Variants in BIRC6 observed in about 807,000 individuals in gnomAD.
BIRC6 encodes baculoviral IAP repeat containing 6.
In BIRC6, 98 loss-of-function variants were observed where a neutral mutation model predicts 503.3. That is an observed-to-expected ratio of 0.19 (90% CI 0.17 to 0.23). BIRC6 has a LOEUF of 0.23. Among genes scored for constraint, BIRC6 ranks in the 10% least tolerant of loss-of-function variants. The probability of loss-of-function intolerance (pLI) is 1.00; values close to 1 mark genes in which losing one functional copy is unlikely to be tolerated. For missense variants in BIRC6, 5,360 were observed against 5,806.0 expected (o/e 0.92, Z 2.50); for synonymous variants, 2,240 against 2,078.7 (o/e 1.08, Z -2.11).
chr2:32,406,451 T>G, intron 8 of BIRC6, 48 bp from the exon 9 acceptor site: 1 of 1,386,218 alleles, frequency 7.2e-7, no homozygotes, highest in Non-Finnish European at 1.0e-6. Context: ...TCATATGATG[T>G]ATACTTTTTT....
chr2:32,553,603 C>T (rs555493728), intron 65 of BIRC6, among the ~76,000 whole-genome samples: 8 of 151,852 alleles, frequency 5.3e-5, no homozygotes, highest in Non-Finnish European at 7.4e-5. Context: ...TTGGCCAGGC[C>T]GGTCTCGAAC....
intron 23 of BIRC6, among the ~76,000 whole-genome samples, chr2:32,459,165 G>T (rs1299109656): frequency 1.3e-5 from 2 of 151,972 alleles, no homozygotes; most frequent in African/African-American, 4.8e-5. Flanking sequence ...ATCACTACAG[G>T]AAGAAACTCT....
At chr2:32,588,559 G>A (rs1209076077) in intron 66 of BIRC6, among the ~76,000 whole-genome samples, 2 of 152,020 alleles carry the variant, frequency 1.3e-5, no homozygotes, top group African/African-American at 4.8e-5. Context: ...GTGGTTTAAT[G>A]TACCCTATAT....
chr2:32,490,055 T>G lies in BIRC6; in HGVS notation c.8110T>G (p.Phe2704Val). 1 of 1,610,874 alleles carries G rather than the reference T, an allele frequency of 6.2e-7. No individual in the cohort carries two copies. The highest frequency in any genetic ancestry group is 8.5e-7 in the Non-Finnish European group (1 of 1,177,212). Reference sequence around the variant, plus strand: ...TTTCTGCATAGCATCAATAACTAGCTTTCTCACAGTGTTAGCTTGGTATCC... The same window carrying G: ...TTTCTGCATAGCATCAATAACTAGCGTTCTCACAGTGTTAGCTTGGTATCC... ...ISLNQASITSFLTVLAWYPNT... is the reference protein window; with the variant it reads ...ISLNQASITSVLTVLAWYPNT... Residue 2704 changes from phenylalanine to valine, a missense_variant, in exon 43 of 74, where the codon TTT becomes GTT. Around this residue, in one of 16 missense-constraint regions of BIRC6, gnomAD observed 2,299 missense variants for 2,267.2 expected, o/e 1.01. Coordinates refer to ENST00000421745, the MANE Select transcript of BIRC6 (RefSeq NM_016252.4).
rs545720371 is a variant in BIRC6, at chr2:32,563,038, C to T, written c.13145-12118C>T. On this transcript the variant is annotated intron_variant, in intron 65 of 73. Coordinates refer to ENST00000421745, the MANE Select transcript of BIRC6 (RefSeq NM_016252.4). ...ATAGTGTCAGTCCTCTGACTTTGTT[C>T]TTCAATGTTGTGCTGGCTATGCTAC... Among the ~76,000 whole-genome samples the T allele has an allele frequency of 2.0e-5, 3 of 152,282 alleles. No individual in the cohort carries two copies. In the East Asian group the frequency reaches 5.8e-4, roughly 29 times the overall value.
chr2:32,516,843 G>A (rs2055105442), intron 55 of BIRC6, among the ~76,000 whole-genome samples: 1 of 152,036 alleles, frequency 6.6e-6, no homozygotes, highest in Non-Finnish European at 1.5e-5. Flanking sequence ...CCTGCCTCAA[G>A]GATTTTTTGA....
intron 9 of BIRC6, among the ~76,000 whole-genome samples, chr2:32,407,469 ATTTAG>A (rs796680206): frequency 1.4e-3 from 210 of 148,094 alleles, no homozygotes; most frequent in African/African-American, 4.9e-3. Flanking sequence ...AAAAAAAAAG[ATTTAG>A]ATAAGATAAG....
chr2:32,504,078 T>TGTG (rs1558912926), intron 49 of BIRC6, among the ~76,000 whole-genome samples: 2 of 98,872 alleles, frequency 2.0e-5, no homozygotes, highest in South Asian at 3.2e-4. Flanking sequence ...GTGTGTGTGT[T>TGTG]TAGTAGAGAT....
chr2:32,408,257 C>T (rs943530137), intron 9 of BIRC6, among the ~76,000 whole-genome samples: 4 of 152,010 alleles, frequency 2.6e-5, no homozygotes, highest in African/African-American at 4.8e-5. Flanking sequence ...CGTGAGCCAC[C>T]GTGCCCGGCC....
rs773949716 is a variant in BIRC6 at position 32,416,027 on chromosome 2, A to G, written c.2736A>G (p.Val912=). ...HLVITTQGGY[V]KILDLSNFEI... ...TAATAACCACTCAGGGAGGATATGT[A>G]AAAATACTAGATCTTTCAAACTTTG... Residue 912 remains valine, a synonymous_variant, in exon 10 of 74, where the codon GTA becomes GTG. Coordinates refer to ENST00000421745, the MANE Select transcript of BIRC6 (RefSeq NM_016252.4). 8.1e-6 allele frequency: 13 copies of G among 1,613,854 alleles called. No homozygotes were observed. Among genetic ancestry groups the G allele is most frequent in the African/African-American group, 1.3e-5 (1 of 74,918 alleles).
In BIRC6 at chr2:32,515,483, A is replaced by C; in HGVS notation, c.11062A>C (p.Arg3688=). 1 of 1,613,722 alleles carries C rather than the reference A, an allele frequency of 6.2e-7. No individual in the cohort carries two copies. ...AGCCGACCTAGTTGCTCCTATTCTT[A>C]GGTTTTTGACAGAAGTTGGCAATAG... ...ITADLVAPIL[R]FLTEVGNSHI... The change falls in exon 55 of 74, where the codon AGG becomes CGG. Residue 3688 remains arginine (R), a synonymous_variant. Coordinates refer to ENST00000421745, the MANE Select transcript of BIRC6 (RefSeq NM_016252.4).
At chr2:32,477,773 AAAACTAGCAAAGGATGAT>A (rs1311151772) in intron 35 of BIRC6, among the ~76,000 whole-genome samples, 190 bp downstream of exon 35, 5 of 151,452 alleles carry the variant, frequency 3.3e-5, no homozygotes, top group Admixed American at 6.6e-5. Context: ...AGGTTAATTA[AAAACTAGCAAAGGATGAT>A]GTTTTTAGTC....
chr2:32,593,192 G>C (rs867298463), intron 66 of BIRC6, among the ~76,000 whole-genome samples: 32 of 152,178 alleles, frequency 2.1e-4, no homozygotes, highest in African/African-American at 7.0e-4. Context: ...ATAATGTGCT[G>C]AGAGTTGGAA....
At chr2:32,393,952 A>G (rs932228102) in intron 5 of BIRC6, among the ~76,000 whole-genome samples, 5 of 140,130 alleles carry the variant, frequency 3.6e-5, no homozygotes, top group Non-Finnish European at 7.6e-5. Flanking sequence ...AAAACTATAT[A>G]TATATATATA....
At chr2:32,610,808 G>A (rs1444120902) in intron 72 of BIRC6, among the ~76,000 whole-genome samples, 3 of 151,936 alleles carry the variant, frequency 2.0e-5, no homozygotes, top group East Asian at 3.9e-4. Flanking sequence ...TTGCTCTGTC[G>A]CCCAGGCTGG....
In BIRC6 at chr2:32,448,810, C is replaced by T; in HGVS notation, c.4500C>T (p.Ser1500=). Residue 1500 remains serine (S), a synonymous_variant, in exon 22 of 74, where the codon AGC becomes AGT. Coordinates refer to ENST00000421745, the MANE Select transcript of BIRC6 (RefSeq NM_016252.4). ...ALLQTRYGLY[S]SPFDPVLFDL... ...TATTTTTCAGATATGGATTATATAG[C>T]TCACCATTTGATCCAGTCCTCTTTG... 1.2e-6 allele frequency: 2 copies of T among 1,610,364 alleles called. No individual in the cohort carries two copies. Among genetic ancestry groups the T allele is most frequent in the Middle Eastern group, 1.7e-4 (1 of 6,010 alleles).
intron 9 of BIRC6, among the ~76,000 whole-genome samples, chr2:32,408,736 T>C (rs1447323042): frequency 6.6e-6 from 1 of 152,216 alleles, no homozygotes; most frequent in East Asian, 1.9e-4. Flanking sequence ...TTGAAAATTA[T>C]CATGTATTTT....
chr2:32,416,997 G>A (rs187774269), intron 10 of BIRC6, among the ~76,000 whole-genome samples: 1 of 151,918 alleles, frequency 6.6e-6, no homozygotes, highest in East Asian at 1.9e-4. Flanking sequence ...CACCATGCCC[G>A]GCTAATTTTT....
At chr2:32,405,382 C>T (rs183343123) in intron 8 of BIRC6, among the ~76,000 whole-genome samples, 1 of 152,246 alleles carries the variant, frequency 6.6e-6, no homozygotes, top group East Asian at 1.9e-4. Flanking sequence ...AAAACTAAAA[C>T]AGAGAAACTT....
Sources: allele counts gnomAD v4.1 joint callset (sites outside exome capture counted in the v4.1 genomes callset), GRCh38; gene constraint gnomAD v4.1.1; regional missense constraint gnomAD v4.1.1; transcripts MANE v1.5; gene names NCBI Gene and HGNC (gene_info 2026-07-23, HGNC 2026-07-21).